Variants in DCAF8L2 observed in about 807,000 individuals in gnomAD.
DCAF8L2 encodes DDB1- and CUL4-associated factor 8-like protein 2.
For missense variants in DCAF8L2, 430 were observed against 490.7 expected, an observed-to-expected ratio of 0.88 and a Z score of 1.17; for synonymous variants, 200 against 190.9, an observed-to-expected ratio of 1.05 and a Z score of -0.39.
Position 27,696,232 on chromosome X carries a change from T to TGAAA in DCAF8L2, c.-143+18332_-143+18335dup, listed in dbSNP as rs755584129. ...AAAAAGAAGAAAAAGAAAGAAAGAA[T>TGAAA]GAAAGAAAGAAAGAAGGAAGGAAGG... On this transcript the variant is annotated intron_variant, in intron 3 of 4. Coordinates refer to ENST00000451261, the MANE Select transcript of DCAF8L2 (RefSeq NM_001353450.2). Among the ~76,000 whole-genome samples, 3 of 37,123 alleles carry TGAAA rather than the reference T, an allele frequency of 8.1e-5. No individual in the cohort carries two copies. The Admixed American group carries it at 1.0e-3, about 12-fold the overall frequency. The allele number at this position is 37,123 out of a possible 115,157, so 32.2% of individuals were successfully genotyped here.
chrX:27,473,814 C>A, the DCAF8L2 span, among the ~76,000 whole-genome samples: 5 of 111,358 alleles, frequency 4.5e-5, no homozygotes, highest in African/African-American at 1.3e-4. Flanking sequence ...CTTCTGTTGC[C>A]TTCAGAAATA....
At chrX:27,519,852 G>A in the DCAF8L2 span, 1 of 323,454 alleles carries the variant, frequency 3.1e-6, no homozygotes, top group Admixed American at 5.4e-5. Flanking sequence ...TAATGAAAAA[G>A]GATGTGTGAA....
intron 1 of DCAF8L2, among the ~76,000 whole-genome samples, chrX:27,593,630 A>C (rs1419139592): frequency 9.0e-6 from 1 of 111,536 alleles, no homozygotes. Flanking sequence ...GGGAATCCCG[A>C]GGACTTCATA....
the DCAF8L2 span, among the ~76,000 whole-genome samples, chrX:27,494,075 T>C: frequency 2.1e-4 from 24 of 111,836 alleles, no homozygotes; most frequent in African/African-American, 7.8e-4. Flanking sequence ...ACTTTCCAAG[T>C]CTTTGGGTGG....
chrX:27,663,793 A>G (rs989171560), intron 2 of DCAF8L2, among the ~76,000 whole-genome samples: 8 of 107,699 alleles, frequency 7.4e-5, no homozygotes, highest in Middle Eastern at 9.6e-3. Context: ...CACCTCCCAG[A>G]TTCAAGCAAT....
intron 3 of DCAF8L2, among the ~76,000 whole-genome samples, chrX:27,710,399 A>G (rs183966087): frequency 1.8e-4 from 20 of 111,562 alleles, no homozygotes; most frequent in African/African-American, 5.8e-4. Flanking sequence ...TATATTATCT[A>G]TTTTAGTCAT....
intron 1 of DCAF8L2, among the ~76,000 whole-genome samples, chrX:27,610,278 G>A (rs1004567967): frequency 8.1e-5 from 9 of 110,754 alleles, no homozygotes; most frequent in East Asian, 5.7e-4. Flanking sequence ...TGTGGGATTC[G>A]AAACTACATT....
chrX:27,652,203 A>T (rs191344263), intron 2 of DCAF8L2, among the ~76,000 whole-genome samples: 11 of 111,341 alleles, frequency 9.9e-5, no homozygotes, highest in African/African-American at 3.6e-4. Context: ...CTTCCCTCAA[A>T]CATTGCAACC....
chrX:27,557,666 C>T, the DCAF8L2 span, among the ~76,000 whole-genome samples: 12 of 110,565 alleles, frequency 1.1e-4, no homozygotes, highest in African/African-American at 3.6e-4. Context: ...TTCACATTCC[C>T]GCTTTGCTCA....
chrX:27,526,660 C>A, the DCAF8L2 span, among the ~76,000 whole-genome samples: 1 of 112,298 alleles, frequency 8.9e-6, no homozygotes, highest in African/African-American at 3.2e-5. Flanking sequence ...GTGGTTTTAT[C>A]TACCTTTGGT....
chrX:27,647,373 A>G (rs1328292778), intron 2 of DCAF8L2, among the ~76,000 whole-genome samples: 1 of 111,316 alleles, frequency 9.0e-6, no homozygotes, highest in Non-Finnish European at 1.9e-5. Context: ...ACACATGGAC[A>G]CAGGGTGGGG....
chrX:27,634,496 AC>A (rs1445271522), intron 2 of DCAF8L2, among the ~76,000 whole-genome samples: 1 of 109,011 alleles, frequency 9.2e-6, no homozygotes, highest in Non-Finnish European at 1.9e-5. Flanking sequence ...TAGTTGCATA[AC>A]CTCAGGAAAG....
At chrX:27,595,781 G>A (rs1318720747) in intron 1 of DCAF8L2, among the ~76,000 whole-genome samples, 4 of 112,073 alleles carry the variant, frequency 3.6e-5, no homozygotes, top group Non-Finnish European at 7.5e-5. Flanking sequence ...GCTGAGGCGG[G>A]TGGATCACCT....
In DCAF8L2 at chrX:27,595,292, G is replaced by A. The variant is rs192103711; in HGVS notation, c.-342+4852G>A. The stretch of plus-strand genomic sequence containing the variant: ...GTCTATTTTTTATTTCCTTTTGGAA[G>A]TCTAATAGACACTTTAAAAAAAGCA... On this transcript the variant is annotated intron_variant, in intron 1 of 4. Coordinates refer to ENST00000451261, the MANE Select transcript of DCAF8L2 (RefSeq NM_001353450.2). Among the ~76,000 whole-genome samples, 9 of 111,607 alleles carry A rather than the reference G, an allele frequency of 8.1e-5. No homozygotes were observed. The East Asian group carries it at 1.7e-3, about 21-fold the overall frequency.
chrX:27,593,202 C>T (rs1926201223), intron 1 of DCAF8L2, among the ~76,000 whole-genome samples: 1 of 111,709 alleles, frequency 9.0e-6, no homozygotes, highest in African/African-American at 3.3e-5. Flanking sequence ...CATCTTTCAT[C>T]ATCTGTACCC....
chrX:27,577,987 T>C, the DCAF8L2 span, among the ~76,000 whole-genome samples: 1 of 111,481 alleles, frequency 9.0e-6, no homozygotes, highest in African/African-American at 3.3e-5. Context: ...AAGTAATTTA[T>C]AGATTCAGTG....
At chrX:27,704,175 C>CATATATATATATATAT (rs1555930601) in intron 3 of DCAF8L2, among the ~76,000 whole-genome samples, 1 of 88,549 alleles carries the variant, frequency 1.1e-5, no homozygotes, top group African/African-American at 5.5e-5. Context: ...TATATATATA[C>CATATATATATATATAT]ATATACACAC....
Position 27,748,266 on chromosome X carries a change from T to A in DCAF8L2, c.1371T>A (p.Ala457=), listed in dbSNP as rs772892127. The change falls in exon 5 of 5, where the codon GCT becomes GCA. Residue 457 remains alanine (A), a synonymous_variant. Transcript: ENST00000451261. ...TCAACTCCTCTCACAGTGATGGTGC[T>A]CAATACAGTAAGAGATTTAAGGGAC... ...YLFNSSHSDG[A]QYSKRFKGHR... The A allele has an allele frequency of 5.0e-6, 6 of 1,211,502 alleles. No homozygotes were observed. Among genetic ancestry groups the A allele is most frequent in the Non-Finnish European group, 6.7e-6 (6 of 895,236 alleles).
At chrX:27,633,593 A>G (rs908385415) in intron 2 of DCAF8L2, 4 of 111,489 alleles carry the variant, frequency 3.6e-5, no homozygotes, top group African/African-American at 9.8e-5. Context: ...CAAATTGCCG[A>G]TACCAATTTC....
Sources: allele counts gnomAD v4.1 joint callset (sites outside exome capture counted in the v4.1 genomes callset), GRCh38; gene constraint gnomAD v4.1.1; transcripts MANE v1.5; gene names NCBI Gene and HGNC (gene_info 2026-07-23, HGNC 2026-07-21).